The following HTT variants were observed in gnomAD, a reference collection of about 807,000 sequenced individuals.
HTT encodes the protein huntingtin.
HTT carries 104 observed loss-of-function variants against 362.3 expected under a neutral mutation model. The ratio of observed to expected loss-of-function variants is 0.29; its 90% CI spans 0.24 to 0.34. The LOEUF (loss-of-function observed/expected upper bound fraction) is 0.34. HTT is among the 10% of genes least tolerant of loss of function. The pLI is 1.00. For missense variants in HTT, 3,301 were observed against 3,928.6 expected, an observed-to-expected ratio of 0.84 and a Z score of 4.27; for synonymous variants, 1,577 against 1,548.7, an observed-to-expected ratio of 1.02 and a Z score of -0.43.
chr4:3,120,660 C>T (rs966737163), intron 8 of HTT, among the ~76,000 whole-genome samples: 2 of 152,186 alleles, frequency 1.3e-5, no homozygotes, highest in African/African-American at 2.4e-5. Flanking sequence ...GTTGTGCGCT[C>T]CTTATGAGAA....
intron 24 of HTT, among the ~76,000 whole-genome samples, chr4:3,146,357 G>T (rs1189328269): frequency 6.6e-6 from 1 of 152,182 alleles, no homozygotes; most frequent in Non-Finnish European, 1.5e-5. Flanking sequence ...AATAATATCA[G>T]GAAAACTAAC....
chr4:3,076,343 G>A (rs1712549326), intron 1 of HTT, among the ~76,000 whole-genome samples: 1 of 152,160 alleles, frequency 6.6e-6, no homozygotes, highest in Non-Finnish European at 1.5e-5. Flanking sequence ...GTCCCAGATG[G>A]CATTTGGTAA....
intron 38 of HTT, 125 bp downstream of exon 38, chr4:3,186,844 T>C: frequency 8.1e-6 from 6 of 738,666 alleles, no homozygotes; most frequent in South Asian, 4.6e-5. Flanking sequence ...TTTGCTTTTT[T>C]TTTTTTTTTT....
chr4:3,103,199 A>G (rs1008756123), intron 3 of HTT, among the ~76,000 whole-genome samples: 4 of 146,032 alleles, frequency 2.7e-5, no homozygotes, highest in Non-Finnish European at 4.5e-5. Flanking sequence ...TTTATTATAT[A>G]TATATAAATC....
chr4:3,202,230 T>A (rs1326443705), intron 41 of HTT, among the ~76,000 whole-genome samples: 1 of 152,220 alleles, frequency 6.6e-6, no homozygotes, highest in Non-Finnish European at 1.5e-5. Flanking sequence ...ACCCTAGATT[T>A]GGGACATTCA....
chr4:3,207,479 C>T, intron 45 of HTT, 122 bp downstream of exon 45: 3 of 751,448 alleles, frequency 4.0e-6, no homozygotes, highest in Non-Finnish European at 6.7e-6. Flanking sequence ...GGGTTTACTG[C>T]AGAAGTGCCA....
At chr4:3,089,918 T>G (rs1462875163) in intron 2 of HTT, among the ~76,000 whole-genome samples, 1 of 152,214 alleles carries the variant, frequency 6.6e-6, no homozygotes, top group Non-Finnish European at 1.5e-5. Context: ...TCATTATGCT[T>G]GTTCTACAGA....
At chr4:3,093,221 G>A (rs911868231) in intron 2 of HTT, among the ~76,000 whole-genome samples, 19 of 152,202 alleles carry the variant, frequency 1.2e-4, no homozygotes, top group African/African-American at 4.6e-4. Context: ...GTTGCTGAAA[G>A]TCACACAGGG....
chr4:3,146,363 C>G (rs1340584515), intron 24 of HTT, among the ~76,000 whole-genome samples: 1 of 152,212 alleles, frequency 6.6e-6, no homozygotes, highest in Non-Finnish European at 1.5e-5. Flanking sequence ...ATCAGGAAAA[C>G]TAACCACGTC....
chr4:3,221,623 C>A (rs1720676400), intron 53 of HTT, among the ~76,000 whole-genome samples: 1 of 152,224 alleles, frequency 6.6e-6, no homozygotes, highest in Non-Finnish European at 1.5e-5. Context: ...TGCTCTAGTT[C>A]TCCTGTCCTA....
rs1047191027 is a variant in HTT at position 3,186,790 on chromosome 4, C to T, written c.4989+71C>T. 2.0e-6 allele frequency: 3 copies of T among 1,535,020 alleles called. No individual in the cohort carries two copies. The African/African-American group carries it at 4.1e-5, about 21-fold the overall frequency. On this transcript the variant is annotated intron_variant, in intron 38 of 66. Transcript: ENST00000355072. ...CAGGCTCTGATTACTGGGACCACCC[C>T]CAGAATGTCTGAGTCAGTCAGTTTG...
intron 48 of HTT, among the ~76,000 whole-genome samples, chr4:3,212,353 G>C (rs1384177999): frequency 6.6e-6 from 1 of 152,184 alleles, no homozygotes; most frequent in Non-Finnish European, 1.5e-5. Context: ...CATGGACATA[G>C]GGCTCTAAGC....
rs1223114154 is a variant in HTT, at chr4:3,199,724, G to A, written c.5369-8G>A. On this transcript the variant is annotated splice_region_variant and splice_polypyrimidine_tract_variant and intron_variant, in intron 40 of 66. Transcript: ENST00000355072. ...AGCAAAGACATTTCTCCTTAACTTT[G>A]TTTCTAGGAATGTTCCGGAGAATCA... 6.2e-7 allele frequency: 1 copy of A among 1,612,588 alleles called. No individual in the cohort carries two copies. The highest frequency in any genetic ancestry group is 1.1e-5 in the South Asian group (1 of 91,066).
chr4:3,218,000 C>A, intron 52 of HTT, 48 bp downstream of exon 52: 1 of 1,510,690 alleles, frequency 6.6e-7, no homozygotes, highest in East Asian at 2.3e-5. Context: ...TGAAAGGCAC[C>A]GGTAGGCCCT....
At chr4:3,155,469 T>C (rs1259524340) in intron 27 of HTT, among the ~76,000 whole-genome samples, 1 of 151,256 alleles carries the variant, frequency 6.6e-6, no homozygotes, top group Non-Finnish European at 1.5e-5. Context: ...TCGTGATCCG[T>C]CCACCTCAGC....
chr4:3,105,319 A>G (rs145567400), intron 4 of HTT, 38 bp from the exon 5 acceptor site: 25,658 of 1,373,392 alleles, frequency 0.019, 292 homozygotes, highest in Non-Finnish European at 0.023. Flanking sequence ...GGTGACTAGT[A>G]TGTGACTCTT....
chr4:3,132,882 A>T lies in HTT; in HGVS notation c.2464A>T (p.Thr822Ser). The change falls in exon 18 of 67, where the codon ACT becomes TCT. Residue 822 changes from threonine (T) to serine (S), a missense_variant. Transcript: ENST00000355072. ...AACACTGAAGGATGAGTCTTCTGTT[A>T]CTTGCAAGTTAGCTTGTACAGCTGT... ...RKTLKDESSV[T>S]CKLACTAVRN... 6.2e-7 allele frequency: 1 copy of T among 1,613,444 alleles called. No individual in the cohort carries two copies. The highest frequency in any genetic ancestry group is 1.1e-5 in the South Asian group (1 of 91,056).
chr4:3,132,703 C>G lies in HTT; in HGVS notation c.2378C>G (p.Thr793Ser), dbSNP rs772010595. The G allele has an allele frequency of 2.0e-5, 32 of 1,614,216 alleles. No individual in the cohort carries two copies. In the East Asian group the frequency reaches 5.3e-4, roughly 27 times the overall value. Residue 793 changes from threonine (T) to serine (S), a missense_variant, in exon 17 of 67, where the codon ACC becomes AGC. This residue lies in a region of HTT where 2,316 missense variants were observed against 2,658.5 expected (regional missense o/e 0.87). Coordinates refer to ENST00000355072, the MANE Select transcript of HTT (RefSeq NM_001388492.1). ...TTCCACGTGGGAGATTGGATGGGCA[C>G]CATTAGAACCCTCACAGGTAACGGC... ...SRFHVGDWMG[T>S]IRTLTGNTFS... is the part of the protein sequence containing the mutation.
At chr4:3,129,454 A>G (rs1715690866) in intron 12 of HTT, 1 of 157,746 alleles carries the variant, frequency 6.3e-6, no homozygotes, top group African/African-American at 2.4e-5. Context: ...GACATGAAAC[A>G]TCTTGTGATG....
Sources: gnomAD v4.1 joint callset for allele counts (sites outside exome capture counted in the v4.1 genomes callset) on GRCh38, gnomAD v4.1.1 for gene constraint, gnomAD v4.1.1 regional missense constraint, MANE v1.5 for transcripts, NCBI Gene and HGNC (gene_info 2026-07-23, HGNC 2026-07-21) for gene names.